The following ULK4 variants were observed in gnomAD, a reference collection of about 807,000 sequenced individuals.
The protein encoded by ULK4 is unc-51 like kinase 4.
Under a neutral mutation model 160.6 loss-of-function variants are expected in ULK4, and 133 were observed. The observed-to-expected ratio is 0.83, with a 90% CI of 0.72 to 0.96. ULK4 has a LOEUF of 0.96. ULK4 is among the 40% of genes least tolerant of loss of function. ULK4 has a pLI of 0.00. For synonymous variants in ULK4, 534 were observed against 539.8 expected (o/e 0.99, Z 0.15); for missense variants, 1,580 against 1,499.5 (o/e 1.05, Z -0.89).
intron 17 of ULK4, among the ~76,000 whole-genome samples, chr3:41,858,271 C>T (rs2042417162): frequency 6.6e-6 from 1 of 150,414 alleles, no homozygotes; most frequent in South Asian, 2.1e-4. Flanking sequence ...TGTGCCTCAG[C>T]CTCCCAGGTA....
At chr3:41,510,510 C>T (rs1462932372) in intron 32 of ULK4, among the ~76,000 whole-genome samples, 1 of 152,110 alleles carries the variant, frequency 6.6e-6, no homozygotes, top group African/African-American at 2.4e-5. Flanking sequence ...AACATTCTAC[C>T]CAACTACTAT....
chr3:41,864,026 C>T (rs1458921925), intron 17 of ULK4, among the ~76,000 whole-genome samples: 1 of 152,118 alleles, frequency 6.6e-6, no homozygotes, highest in Non-Finnish European at 1.5e-5. Context: ...TCACAAGTTG[C>T]AGTCCTTATG....
chr3:41,587,112 A>C (rs1195537287), intron 31 of ULK4, among the ~76,000 whole-genome samples: 1 of 152,190 alleles, frequency 6.6e-6, no homozygotes, highest in Non-Finnish European at 1.5e-5. Context: ...CAGATTGCTA[A>C]CAGAATTCAG....
At chr3:41,847,463 C>G (rs1018109222) in intron 17 of ULK4, among the ~76,000 whole-genome samples, 1 of 151,974 alleles carries the variant, frequency 6.6e-6, no homozygotes, top group African/African-American at 2.4e-5. Context: ...TTTTACTAGA[C>G]CAAAGGGACG....
intron 3 of ULK4, chr3:41,936,973 G>A (rs1699794561): frequency 4.8e-6 from 1 of 208,200 alleles, no homozygotes; most frequent in Non-Finnish European, 9.5e-6. Flanking sequence ...TTACCCTGAT[G>A]TGCTTATTAC....
At chr3:41,901,670 G>C (rs901362825) in intron 12 of ULK4, among the ~76,000 whole-genome samples, 1 of 150,312 alleles carries the variant, frequency 6.7e-6, no homozygotes, top group Admixed American at 6.7e-5. Flanking sequence ...AGTAGAATCG[G>C]GGTTTCACCA....
At chr3:41,586,759 T>C (rs1024892649) in intron 31 of ULK4, among the ~76,000 whole-genome samples, 1 of 152,126 alleles carries the variant, frequency 6.6e-6, no homozygotes, top group African/African-American at 2.4e-5. Flanking sequence ...ACTATTTTTG[T>C]TTCTTCAATA....
intron 5 of ULK4, among the ~76,000 whole-genome samples, chr3:41,929,534 C>T (rs1716646): frequency 0.87 from 131,633 of 152,122 alleles, 58,937 homozygotes; most frequent in Non-Finnish European, 0.98. Flanking sequence ...TTCAAATAGG[C>T]AGAGAGGAAG....
At chr3:41,553,316 C>A (rs4592999) in intron 32 of ULK4, among the ~76,000 whole-genome samples, 120,158 of 151,956 alleles carry the variant, frequency 0.79, 47,995 homozygotes, top group African/African-American at 0.89. Context: ...CTGAAGAGAC[C>A]ACTTTTTGAA....
intron 27 of ULK4, among the ~76,000 whole-genome samples, chr3:41,691,267 C>T (rs566806122): frequency 6.6e-6 from 1 of 151,956 alleles, no homozygotes; most frequent in South Asian, 2.1e-4. Flanking sequence ...ATACGAACAA[C>T]CCACCCCAAG....
At chr3:41,950,300 G>T (rs1487778376) in intron 2 of ULK4, among the ~76,000 whole-genome samples, 1 of 151,968 alleles carries the variant, frequency 6.6e-6, no homozygotes, top group Non-Finnish European at 1.5e-5. Flanking sequence ...GAGTGCAGTG[G>T]TGCAATCTTG....
At chr3:41,461,178 T>C (rs2083675570) in intron 33 of ULK4, among the ~76,000 whole-genome samples, 2 of 152,118 alleles carry the variant, frequency 1.3e-5, no homozygotes, top group South Asian at 4.1e-4. Flanking sequence ...CATACCACTC[T>C]CCTCCCTGGA....
chr3:41,247,540 T>C (rs12492279), intron 36 of ULK4, among the ~76,000 whole-genome samples: 50,335 of 151,710 alleles, frequency 0.33, 9,700 homozygotes, highest in Non-Finnish European at 0.44. Flanking sequence ...CCAGTGACCC[T>C]TGAAGTGTAA....
intron 29 of ULK4, among the ~76,000 whole-genome samples, chr3:41,665,452 A>C (rs1033394309): frequency 1.3e-5 from 2 of 152,290 alleles, no homozygotes; most frequent in South Asian, 4.1e-4. Flanking sequence ...AGCCCACTAC[A>C]CACCATAATG....
intron 29 of ULK4, 126 bp downstream of exon 29, chr3:41,681,382 G>T: frequency 1.5e-6 from 2 of 1,318,956 alleles, no homozygotes; most frequent in Non-Finnish European, 2.1e-6. Flanking sequence ...TTTATAATGA[G>T]TACACAAGCA....
At chr3:41,837,159 G>A (rs184373598) in intron 17 of ULK4, among the ~76,000 whole-genome samples, 6 of 152,354 alleles carry the variant, frequency 3.9e-5, no homozygotes, top group Admixed American at 3.9e-4. Flanking sequence ...AGTTGGAGAT[G>A]CAGGTGGGAC....
chr3:41,882,638 A>C (rs940203840), intron 17 of ULK4, among the ~76,000 whole-genome samples: 1 of 152,212 alleles, frequency 6.6e-6, no homozygotes, highest in African/African-American at 2.4e-5. Context: ...GCAACTACTG[A>C]ATCATTTAAT....
At chr3:41,676,901 C>T (rs1324373609) in intron 29 of ULK4, among the ~76,000 whole-genome samples, 1 of 140,986 alleles carries the variant, frequency 7.1e-6, no homozygotes, top group African/African-American at 2.7e-5. Flanking sequence ...CTGCCCCCAC[C>T]CCCAACCTTT....
At chr3:41,267,255 C>T (rs768990527) in intron 35 of ULK4, among the ~76,000 whole-genome samples, 12 of 152,062 alleles carry the variant, frequency 7.9e-5, no homozygotes, top group Non-Finnish European at 1.8e-4. Context: ...TGAGTGAGAA[C>T]ATGCAATATT....
Sources: gnomAD v4.1 joint callset for allele counts (sites outside exome capture counted in the v4.1 genomes callset) on GRCh38, gnomAD v4.1.1 for gene constraint, MANE v1.5 for transcripts, NCBI Gene and HGNC (gene_info 2026-07-23, HGNC 2026-07-21) for gene names.